The following ZNF786 variants were observed in gnomAD, a reference collection of about 807,000 sequenced individuals.
ZNF786 encodes zinc finger protein 786.
Under a neutral mutation model 63.1 loss-of-function variants are expected in ZNF786, and 56 were observed. The ratio of observed to expected loss-of-function variants is 0.89; its 90% confidence interval spans 0.72 to 1.11. The LOEUF is 1.11. Ranked by LOEUF, ZNF786 falls within the 50% of genes least tolerant of loss-of-function variation. ZNF786 has a pLI of 0.00. For synonymous variants in ZNF786, 485 were observed against 406.9 expected (o/e 1.19, Z -2.31); for missense variants, 1,213 against 1,041.8 (o/e 1.16, Z -2.26).
chr7:149,074,353 T>C lies in ZNF786; in HGVS notation c.298+33A>G, dbSNP rs1465253510. 1.9e-6 allele frequency: 3 copies of C among 1,609,362 alleles called. No individual in the cohort carries two copies. In the African/African-American group the frequency reaches 4.0e-5, roughly 22 times the overall value. On this transcript the variant is annotated intron_variant, in intron 3 of 3. Coordinates refer to ENST00000491431, the MANE Select transcript of ZNF786 (RefSeq NM_152411.4). ...GAGAAACAAATCTGAACATGATGTC[T>C]CAAGGTCGGGGCCCTGATTTCTTAA...
chr7:149,089,538 A>T (rs1825796325), intron 1 of ZNF786, among the ~76,000 whole-genome samples: 1 of 151,448 alleles, frequency 6.6e-6, no homozygotes, highest in Admixed American at 6.6e-5. Flanking sequence ...GCTGGTCTTG[A>T]ACTCCTGACG....
rs1177528257 is a variant in ZNF786, at chr7:149,089,807, G to A, written c.18+816C>T. 5.3e-5 allele frequency among the ~76,000 whole-genome samples: 8 copies of A among 151,736 alleles called. No individual in the cohort carries two copies. The East Asian group carries it at 1.2e-3, about 22-fold the overall frequency. On this transcript the variant is annotated intron_variant, in intron 1 of 3. Transcript: ENST00000491431. ...CGGCTCACTGCAACCTCCGTCTCCC[G>A]GGTTCAAACAATTCTCCTGCCTGAG...
chr7:149,074,639 C>A (rs1237114405), intron 2 of ZNF786, 101 bp from the exon 3 acceptor site: 117 of 1,110,350 alleles, frequency 1.1e-4, no homozygotes, highest in Non-Finnish European at 1.1e-4. Context: ...AGTATGAGAA[C>A]AACATGTCAA....
intron 1 of ZNF786, among the ~76,000 whole-genome samples, chr7:149,081,435 CAAAAAAAAA>C (rs749538585): frequency 0.053 from 2,466 of 46,250 alleles, 33 homozygotes; most frequent in Non-Finnish European, 0.083. Flanking sequence ...GACTCGGTCT[CAAAAAAAAA>C]AAAAAAAAAA....
intron 1 of ZNF786, among the ~76,000 whole-genome samples, chr7:149,084,136 A>C (rs1447948899): frequency 6.6e-6 from 1 of 152,024 alleles, no homozygotes; most frequent in Non-Finnish European, 1.5e-5. Flanking sequence ...CGAGGCGGGC[A>C]GATCACCTGA....
chr7:149,071,780 C>T lies in ZNF786; in HGVS notation c.992G>A (p.Gly331Glu). 2.5e-6 allele frequency: 4 copies of T among 1,581,064 alleles called. No homozygotes were observed. ...TCCCGAGTGCACACTGCTGGAGGCC[C>T]CGCGGCCTTCTCTCCAAGAGGCCGG... ...EGPASWREGR[G>E]ASSSVHSGQK... is the part of the protein sequence containing the mutation. The change falls in exon 4 of 4, where the codon GGG (glycine) becomes GAG (glutamate). Residue 331 changes from glycine (G) to glutamate (E), a missense_variant. Physicochemically the swap from Gly to Glu is moderately conservative, Grantham distance 98. Transcript: ENST00000491431.
At chr7:149,085,924 C>T (rs1052243460) in intron 1 of ZNF786, among the ~76,000 whole-genome samples, 2 of 152,082 alleles carry the variant, frequency 1.3e-5, no homozygotes, top group Admixed American at 1.3e-4. Flanking sequence ...TTTTTGTACA[C>T]TGATTTTTGT....
rs746298777 is a variant in ZNF786 at position 149,071,397 on chromosome 7, C to T, written c.1375G>A (p.Gly459Ser). 5.0e-6 allele frequency: 8 copies of T among 1,613,346 alleles called. No individual in the cohort carries two copies. The South Asian group carries it at 8.8e-5, about 18-fold the overall frequency. Residue 459 changes from glycine (G) to serine (S), a missense_variant, in exon 4 of 4, where the codon GGC becomes AGC. By Grantham distance (56) the Gly-to-Ser change is moderately conservative. Transcript: ENST00000491431. ...GEKPFRCAKC[G>S]RNFRQRGQLL... ...TGTCCCCTCTGACGGAAGTTCCTGC[C>T]ACACTTGGCACACCGGAAAGGCTTC...
intron 1 of ZNF786, among the ~76,000 whole-genome samples, chr7:149,087,338 T>G (rs1336223894): frequency 2.6e-5 from 4 of 152,224 alleles, no homozygotes; most frequent in Non-Finnish European, 5.9e-5. Flanking sequence ...TTTGCTTATG[T>G]GCAATTCTGT....
intron 1 of ZNF786, chr7:149,081,311 C>G: frequency 2.7e-6 from 1 of 365,504 alleles, no homozygotes; most frequent in Non-Finnish European, 5.3e-6. Context: ...TGGCGTGCAC[C>G]TGTAATTCCA....
chr7:149,089,969 C>A (rs1252066631), intron 1 of ZNF786, among the ~76,000 whole-genome samples: 1 of 152,194 alleles, frequency 6.6e-6, no homozygotes, highest in Non-Finnish European at 1.5e-5. Flanking sequence ...CCCGCCTCGG[C>A]CTCCCAAAGT....
chr7:149,079,053 AAAAACT>A (rs1825610522), intron 2 of ZNF786, among the ~76,000 whole-genome samples: 1 of 152,210 alleles, frequency 6.6e-6, no homozygotes, highest in Non-Finnish European at 1.5e-5. Context: ...AAGCCACTTT[AAAAACT>A]AAAACAAAAA....
At position 149,071,828 on chromosome 7, in the gene ZNF786, C is replaced by T. The variant is rs767077956; in HGVS notation, c.944G>A (p.Arg315Gln). Residue 315 changes from arginine to glutamine, a missense_variant, in exon 4 of 4, where the codon CGG becomes CAG. Physicochemically the swap from Arg to Gln is conservative, Grantham distance 43. Coordinates refer to ENST00000491431, the MANE Select transcript of ZNF786 (RefSeq NM_152411.4). ...CGGCCCCTCCCGGCTGTGCTGGCAC[C>T]GGCGAGCCTGCGTGCTGTCCACTGG... ...SLPVDSTQAR[R>Q]CQHSREGPAS... 1.3e-6 allele frequency: 2 copies of T among 1,590,588 alleles called. No homozygotes were observed. The highest frequency in any genetic ancestry group is 2.2e-5 in the East Asian group (1 of 44,594).
At chr7:149,075,270 TCTCA>T (rs1231520714) in intron 2 of ZNF786, among the ~76,000 whole-genome samples, 2 of 152,176 alleles carry the variant, frequency 1.3e-5, no homozygotes, top group Non-Finnish European at 2.9e-5. Flanking sequence ...TTAGATAGGG[TCTCA>T]CTCTGTCTCT....
At chr7:149,081,830 C>T (rs1825658421) in intron 1 of ZNF786, among the ~76,000 whole-genome samples, 1 of 152,096 alleles carries the variant, frequency 6.6e-6, no homozygotes, top group Non-Finnish European at 1.5e-5. Flanking sequence ...TATGATCCTC[C>T]ACCTAGAAAA....
At chr7:149,079,206 A>C (rs1825612765) in intron 2 of ZNF786, among the ~76,000 whole-genome samples, 1 of 152,154 alleles carries the variant, frequency 6.6e-6, no homozygotes, top group Admixed American at 6.5e-5. Context: ...CAGGAAATCG[A>C]GACCATCCTG....
chr7:149,084,400 A>T (rs1825698561), intron 1 of ZNF786, among the ~76,000 whole-genome samples: 1 of 151,820 alleles, frequency 6.6e-6, no homozygotes, highest in Non-Finnish European at 1.5e-5. Flanking sequence ...GTTCTTTGAG[A>T]AATCACCAAA....
chr7:149,071,552 C>G lies in ZNF786; in HGVS notation c.1220G>C (p.Arg407Pro), dbSNP rs62507486. 6.2e-7 allele frequency: 1 copy of G among 1,612,936 alleles called. No individual in the cohort carries two copies. Among genetic ancestry groups the G allele is most frequent in the Non-Finnish European group, 8.5e-7 (1 of 1,179,846 alleles). The change falls in exon 4 of 4, where the codon CGC becomes CCC. Residue 407 changes from arginine (R) to proline (P), a missense_variant. Transcript: ENST00000491431. ...FQCAHCTKRF[R>P]LRRLLQVHQH... Reference sequence around the variant, plus strand: ...GTGGACCTGCAGCAGGCGGCGCAGGCGGAAGCGCTTGGTGCAATGCGCACA... The same window carrying G: ...GTGGACCTGCAGCAGGCGGCGCAGGGGGAAGCGCTTGGTGCAATGCGCACA...
At chr7:149,090,471 G>A (rs1825812380) in intron 1 of ZNF786, among the ~76,000 whole-genome samples, 152 bp downstream of exon 1, 1 of 152,200 alleles carries the variant, frequency 6.6e-6, no homozygotes, top group Admixed American at 6.5e-5. Context: ...CGCAGGGCCC[G>A]GAATCCACAT....
Sources: gnomAD v4.1 joint callset for allele counts (sites outside exome capture counted in the v4.1 genomes callset) on GRCh38, gnomAD v4.1.1 for gene constraint, MANE v1.5 for transcripts, NCBI Gene and HGNC (gene_info 2026-07-23, HGNC 2026-07-21) for gene names.